The following FCHO2 variants were observed in gnomAD, a reference collection of about 807,000 sequenced individuals.
FCHO2 encodes the protein F-BAR domain only protein 2.
Under a neutral mutation model 114.1 loss-of-function variants are expected in FCHO2, and 43 were observed. The ratio of observed to expected loss-of-function variants is 0.38; its 90% confidence interval spans 0.30 to 0.49. The LOEUF is 0.49. Among genes scored for constraint, FCHO2 ranks in the 20% least tolerant of loss-of-function variants. The probability of loss-of-function intolerance (pLI) is 0.97; values close to 1 mark genes in which losing one functional copy is unlikely to be tolerated. For synonymous variants in FCHO2, 293 were observed against 315.2 expected (o/e 0.93, Z 0.75); for missense variants, 807 against 950.4 (o/e 0.85, Z 1.98).
rs568374353 is a variant in FCHO2 at position 73,063,821 on chromosome 5, C to A, written c.1346-20C>A. The A allele has an allele frequency of 6.3e-7, 1 of 1,598,986 alleles. No homozygotes were observed. Among genetic ancestry groups the A allele is most frequent in the Admixed American group, 1.7e-5 (1 of 59,082 alleles). ...ACATACTAATGATTTTCTTCAAATTCTCTTTTCCCCCTCAACCAGCCAGGC... is the reference window on the plus strand; with the variant it reads ...ACATACTAATGATTTTCTTCAAATTATCTTTTCCCCCTCAACCAGCCAGGC... On this transcript the variant is annotated intron_variant, in intron 17 of 25. Transcript: ENST00000430046.
intron 20 of FCHO2, among the ~76,000 whole-genome samples, chr5:73,075,471 T>C (rs1307175279): frequency 6.6e-6 from 1 of 152,132 alleles, no homozygotes; most frequent in Non-Finnish European, 1.5e-5. Flanking sequence ...AGGAGAGTAC[T>C]TGAAGATGAG....
At chr5:72,979,526 G>A (rs1281842157) in intron 2 of FCHO2, among the ~76,000 whole-genome samples, 3 of 149,396 alleles carry the variant, frequency 2.0e-5, no homozygotes, top group African/African-American at 7.4e-5. Context: ...CGAGTAGCTG[G>A]GACTACAGGC....
At chr5:72,986,097 C>G (rs1160823826) in intron 2 of FCHO2, among the ~76,000 whole-genome samples, 3 of 151,918 alleles carry the variant, frequency 2.0e-5, no homozygotes, top group African/African-American at 7.3e-5. Context: ...TTAACTAGAT[C>G]TCTTTATTTT....
intron 5 of FCHO2, among the ~76,000 whole-genome samples, chr5:73,004,254 C>G (rs1461230310): frequency 6.6e-6 from 1 of 151,758 alleles, no homozygotes; most frequent in East Asian, 1.9e-4. Context: ...GGGTTTCTTG[C>G]GAAGGTACTT....
Position 72,990,510 on chromosome 5 carries a change from C to T in FCHO2, c.233C>T (p.Thr78Ile), listed in dbSNP as rs781292337. 2 of 1,531,678 alleles carry T rather than the reference C, an allele frequency of 1.3e-6. No individual in the cohort carries two copies. The highest frequency in any genetic ancestry group is 1.8e-6 in the Non-Finnish European group (2 of 1,141,438). 94.9% of individuals were successfully genotyped at this position (1,531,678 alleles called of 1,614,324 possible). ...GCACCAGTATGGGATGTATTCAAAA[C>T]ATCTACAGAGAAATTAGCAAATTGT... ...TFAPVWDVFKTSTEKLANCHL... is the reference protein window; with the variant it reads ...TFAPVWDVFKISTEKLANCHL... Residue 78 changes from threonine (T) to isoleucine (I), a missense_variant, in exon 4 of 26, where the codon ACA (threonine) becomes ATA (isoleucine). Physicochemically the swap from Thr to Ile is moderately conservative, Grantham distance 89. Coordinates refer to ENST00000430046, the MANE Select transcript of FCHO2 (RefSeq NM_138782.3).
chr5:73,027,748 G>A (rs1282866752), intron 8 of FCHO2, among the ~76,000 whole-genome samples: 1 of 151,934 alleles, frequency 6.6e-6, no homozygotes, highest in Non-Finnish European at 1.5e-5. Flanking sequence ...AATACAAAAG[G>A]TGACCAAAAG....
At chr5:73,050,444 G>C (rs1418561515) in intron 11 of FCHO2, among the ~76,000 whole-genome samples, 4 of 151,814 alleles carry the variant, frequency 2.6e-5, no homozygotes, top group Non-Finnish European at 4.4e-5. Context: ...TCAGCCTCCA[G>C]AGTAACTGGG....
chr5:72,956,347 G>T, intron 1 of FCHO2, among the ~76,000 whole-genome samples: 1 of 151,736 alleles, frequency 6.6e-6, no homozygotes, highest in Non-Finnish European at 1.5e-5. Context: ...TGTCACCGCG[G>T]CCCGGGGGCC....
chr5:73,025,618 ATCCTCCC>A (rs1755873652), intron 8 of FCHO2, among the ~76,000 whole-genome samples: 2 of 151,966 alleles, frequency 1.3e-5, no homozygotes, highest in Admixed American at 1.3e-4. Context: ...ACCTCAGGTA[ATCCTCCC>A]ACCTTGGCCT....
intron 9 of FCHO2, among the ~76,000 whole-genome samples, chr5:73,035,373 T>C (rs1756446995): frequency 6.6e-6 from 1 of 152,124 alleles, no homozygotes; most frequent in South Asian, 2.1e-4. Flanking sequence ...GAGCTGTGAT[T>C]GTACCACTGC....
At chr5:73,054,100 C>T (rs1757471142) in intron 13 of FCHO2, 60 bp from the exon 14 acceptor site, 5 of 1,250,658 alleles carry the variant, frequency 4.0e-6, no homozygotes, top group Non-Finnish European at 5.5e-6. Context: ...ATTATTACAG[C>T]ACAAAAATAC....
intron 5 of FCHO2, among the ~76,000 whole-genome samples, chr5:72,994,299 A>G (rs1222811952): frequency 6.6e-6 from 1 of 152,232 alleles, no homozygotes; most frequent in Admixed American, 6.5e-5. Context: ...AGAGAAAAAC[A>G]ACCCTATTAA....
intron 2 of FCHO2, among the ~76,000 whole-genome samples, chr5:72,983,224 A>G (rs1237923237): frequency 6.6e-6 from 1 of 151,988 alleles, no homozygotes; most frequent in East Asian, 1.9e-4. Context: ...TTTTTAAAAT[A>G]CTTTTAAGTT....
intron 24 of FCHO2, among the ~76,000 whole-genome samples, chr5:73,086,879 G>C (rs1186329846): frequency 6.6e-6 from 1 of 152,100 alleles, no homozygotes; most frequent in Admixed American, 6.6e-5. Context: ...ATCATGCTCT[G>C]TCTCTGTATC....
intron 21 of FCHO2, 110 bp downstream of exon 21, chr5:73,077,603 G>A: frequency 8.4e-7 from 1 of 1,194,918 alleles, no homozygotes; most frequent in East Asian, 2.7e-5. Flanking sequence ...GCTGAGGCAG[G>A]TGGATTGCTT....
intron 20 of FCHO2, among the ~76,000 whole-genome samples, chr5:73,076,641 T>C (rs572715311): frequency 2.6e-5 from 4 of 152,246 alleles, no homozygotes; most frequent in African/African-American, 9.6e-5. Context: ...TGAAACAGTA[T>C]GGACTGCAGA....
At chr5:73,070,785 CTT>C (rs1742606216) in intron 19 of FCHO2, among the ~76,000 whole-genome samples, 1 of 151,926 alleles carries the variant, frequency 6.6e-6, no homozygotes, top group Non-Finnish European at 1.5e-5. Flanking sequence ...AAAAAGTTCT[CTT>C]TCTTTGCCAT....
intron 1 of FCHO2, among the ~76,000 whole-genome samples, chr5:72,965,579 G>C (rs1238751197): frequency 6.6e-6 from 1 of 152,134 alleles, no homozygotes; most frequent in African/African-American, 2.4e-5. Flanking sequence ...TTTACCTCCA[G>C]CTCCCTAGCA....
chr5:72,970,856 G>A (rs1752507766), intron 2 of FCHO2, among the ~76,000 whole-genome samples: 1 of 151,766 alleles, frequency 6.6e-6, no homozygotes, highest in Non-Finnish European at 1.5e-5. Context: ...TCCCCTCCCC[G>A]CAACCCACAA....
Sources: gnomAD v4.1 joint callset for allele counts (sites outside exome capture counted in the v4.1 genomes callset) on GRCh38, gnomAD v4.1.1 for gene constraint, MANE v1.5 for transcripts, NCBI Gene and HGNC (gene_info 2026-07-23, HGNC 2026-07-21) for gene names.